PAPPA: variants seen among roughly 807,000 people sequenced by gnomAD.
PAPPA encodes pappalysin-1.
A neutral mutation model predicts 164.0 loss-of-function variants in PAPPA; 60 were observed. The observed-to-expected ratio is 0.37, with a 90% CI of 0.30 to 0.45. PAPPA has a LOEUF of 0.45. Ranked by LOEUF, PAPPA falls within the 20% of genes least tolerant of loss-of-function variation. The pLI, the probability that PAPPA is intolerant of heterozygous loss-of-function variation, is 1.00. For missense variants in PAPPA, 1,782 were observed against 2,087.3 expected (o/e 0.85, Z 2.85); for synonymous variants, 875 against 814.1 (o/e 1.07, Z -1.27).
At chr9:116,293,870 A>T (rs747660552) in intron 9 of PAPPA, among the ~76,000 whole-genome samples, 10 of 152,160 alleles carry the variant, frequency 6.6e-5, no homozygotes, top group Non-Finnish European at 1.0e-4. Flanking sequence ...CAGGAGAATC[A>T]CTTGAACCCA....
intron 7 of PAPPA, among the ~76,000 whole-genome samples, chr9:116,254,507 G>C (rs1254080092): frequency 6.6e-6 from 1 of 152,148 alleles, no homozygotes; most frequent in Non-Finnish European, 1.5e-5. Context: ...AAAGGGCCGG[G>C]CGCGGTGGCT....
At chr9:116,207,402 G>T (rs1844248988) in intron 2 of PAPPA, 54 bp from the exon 3 acceptor site, 2 of 634,654 alleles carry the variant, frequency 3.2e-6, no homozygotes, top group Non-Finnish European at 4.1e-6. Context: ...TTTGGAGAGG[G>T]CCTGTTATCT....
chr9:116,342,360 G>T (rs1465549685), intron 13 of PAPPA, among the ~76,000 whole-genome samples: 2 of 152,194 alleles, frequency 1.3e-5, no homozygotes, highest in African/African-American at 4.8e-5. Flanking sequence ...AAAGGGCAGA[G>T]AATTGGAGTT....
At chr9:116,278,798 G>A (rs112645460) in intron 9 of PAPPA, among the ~76,000 whole-genome samples, 2,216 of 152,116 alleles carry the variant, frequency 0.015, 51 homozygotes, top group African/African-American at 0.051. Context: ...TCTGAGTCTC[G>A]GTTTCCTCTT....
chr9:116,170,522 C>T (rs1317285326), intron 1 of PAPPA, among the ~76,000 whole-genome samples: 1 of 152,022 alleles, frequency 6.6e-6, no homozygotes, highest in Non-Finnish European at 1.5e-5. Context: ...GCCACAAATC[C>T]AGCCACCTAT....
chr9:116,355,309 C>A (rs574991058), intron 17 of PAPPA, among the ~76,000 whole-genome samples: 1 of 152,330 alleles, frequency 6.6e-6, no homozygotes, highest in African/African-American at 2.4e-5. Flanking sequence ...CAGGTTCCTC[C>A]TTTTACAGAT....
intron 1 of PAPPA, among the ~76,000 whole-genome samples, chr9:116,186,145 G>A (rs1843966660): frequency 6.6e-6 from 1 of 151,566 alleles, no homozygotes; most frequent in Non-Finnish European, 1.5e-5. Flanking sequence ...GGGAGATTTT[G>A]CTCATTATTA....
chr9:116,189,739 C>T (rs1844019436), intron 2 of PAPPA, among the ~76,000 whole-genome samples: 1 of 152,174 alleles, frequency 6.6e-6, no homozygotes, highest in Non-Finnish European at 1.5e-5. Flanking sequence ...CACACAGGAC[C>T]CTGGACTTGC....
intron 19 of PAPPA, among the ~76,000 whole-genome samples, chr9:116,375,505 G>T (rs893846832): frequency 2.0e-5 from 3 of 152,206 alleles, no homozygotes; most frequent in East Asian, 3.8e-4. Context: ...GACAAGTAAA[G>T]AAATTATTGT....
intron 18 of PAPPA, 34 bp from the exon 19 acceptor site, chr9:116,367,611 G>A: frequency 3.3e-6 from 5 of 1,515,744 alleles, no homozygotes; most frequent in Non-Finnish European, 4.6e-6. Context: ...AGGGTCTCGG[G>A]CCTGAGCTGC....
At chr9:116,381,753 C>T (rs981079547) in intron 20 of PAPPA, among the ~76,000 whole-genome samples, 53 of 152,308 alleles carry the variant, frequency 3.5e-4, no homozygotes, top group African/African-American at 1.2e-3. Flanking sequence ...GTCTCCGCAT[C>T]TTCATCTGTA....
At chr9:116,393,345 A>G (rs1846919153) in intron 21 of PAPPA, among the ~76,000 whole-genome samples, 1 of 152,200 alleles carries the variant, frequency 6.6e-6, no homozygotes, top group African/African-American at 2.4e-5. Flanking sequence ...AGAGAAGGGA[A>G]GTAACTTGTC....
chr9:116,257,039 A>T (rs1844936269), intron 7 of PAPPA, among the ~76,000 whole-genome samples: 1 of 152,044 alleles, frequency 6.6e-6, no homozygotes, highest in South Asian at 2.1e-4. Flanking sequence ...TTAACAAACA[A>T]AACACAAATA....
intron 7 of PAPPA, among the ~76,000 whole-genome samples, chr9:116,244,629 G>C (rs768850189): frequency 6.6e-6 from 1 of 152,116 alleles, no homozygotes; most frequent in Non-Finnish European, 1.5e-5. Context: ...AAAGAGATAA[G>C]AAGGAGCCAG....
chr9:116,299,403 C>A (rs968138878), intron 9 of PAPPA, among the ~76,000 whole-genome samples: 3 of 152,096 alleles, frequency 2.0e-5, no homozygotes, highest in Non-Finnish European at 2.9e-5. Context: ...CTGCTGATTC[C>A]TAGCAGACAA....
At chr9:116,223,178 C>A (rs1456783773) in intron 5 of PAPPA, among the ~76,000 whole-genome samples, 4 of 152,170 alleles carry the variant, frequency 2.6e-5, no homozygotes, top group African/African-American at 9.7e-5. Context: ...GCCATCCTCA[C>A]TGGGAGCACA....
chr9:116,323,163 G>C (rs1019022018), intron 10 of PAPPA, among the ~76,000 whole-genome samples: 1 of 152,156 alleles, frequency 6.6e-6, no homozygotes, highest in Admixed American at 6.5e-5. Context: ...AAAACCCTTT[G>C]AAAGCAAGAC....
At chr9:116,184,566 T>C (rs892984831) in intron 1 of PAPPA, among the ~76,000 whole-genome samples, 2 of 152,216 alleles carry the variant, frequency 1.3e-5, no homozygotes, top group Non-Finnish European at 2.9e-5. Context: ...ATGCGGAGGA[T>C]GTCATATTCA....
At chr9:116,217,787 T>G (rs1844394287) in intron 4 of PAPPA, among the ~76,000 whole-genome samples, 2 of 152,124 alleles carry the variant, frequency 1.3e-5, no homozygotes, top group African/African-American at 4.8e-5. Flanking sequence ...TTATCATCAC[T>G]GTCTTCACTT....
Sources: allele counts gnomAD v4.1 joint callset (sites outside exome capture counted in the v4.1 genomes callset), GRCh38; gene constraint gnomAD v4.1.1; transcripts MANE v1.5; gene names NCBI Gene and HGNC (gene_info 2026-07-23, HGNC 2026-07-21).